The following CFAP45 variants were observed in gnomAD, a reference collection of about 807,000 sequenced individuals.
The protein encoded by CFAP45 is cilia and flagella associated protein 45, also known as cilia- and flagella-associated protein 45.
CFAP45 carries 43 observed loss-of-function variants against 75.6 expected under a neutral mutation model. The observed-to-expected ratio is 0.57, with a 90% CI of 0.45 to 0.73. The LOEUF is 0.73. CFAP45 is among the 30% of genes least tolerant of loss of function. The pLI is 0.00. For missense variants in CFAP45, 689 were observed against 701.5 expected (o/e 0.98, Z 0.20); for synonymous variants, 223 against 244.6 (o/e 0.91, Z 0.82).
chr1:159,892,983 G>A (rs1157782187), intron 2 of CFAP45, among the ~76,000 whole-genome samples, 197 bp downstream of exon 2: 1 of 152,208 alleles, frequency 6.6e-6, no homozygotes, highest in East Asian at 1.9e-4. Flanking sequence ...TAGGGTGGAA[G>A]AAGCTAGGTG....
chr1:159,873,010 T>C lies in CFAP45; in HGVS notation c.1511A>G (p.Lys504Arg). The C allele has an allele frequency of 6.2e-7, 1 of 1,614,230 alleles. No individual in the cohort carries two copies. The highest frequency in any genetic ancestry group is 1.7e-5 in the Admixed American group (1 of 60,032). ...CTCACGGCGTTTCTGGGCCTCCTCT[T>C]TGAGGCGCCGGCCCTCCTCAAAGGT... The part of the protein sequence containing the change: ...IATFEEGRRL[K>R]EEAQKRRERI... The change falls in exon 11 of 12, where the codon AAA (lysine) becomes AGA (arginine). Residue 504 changes from lysine to arginine, a missense_variant. By Grantham distance (26) the Lys-to-Arg change is conservative (BLOSUM62 2). Transcript: ENST00000368099.
intron 1 of CFAP45, 75 bp downstream of exon 1, chr1:159,900,020 CT>C: frequency 1.3e-6 from 2 of 1,576,062 alleles, no homozygotes; most frequent in Non-Finnish European, 8.7e-7. Context: ...GTGACCTCCC[CT>C]AGGCCCCCAC....
Position 159,872,566 on chromosome 1 carries a change from G to C in CFAP45, c.1578-3C>G. On this transcript the variant is annotated splice_polypyrimidine_tract_variant and splice_region_variant and intron_variant, in intron 11 of 11. Transcript: ENST00000368099. ...ACTTCTCGGGAAGGCCAGTGGCTCT[G>C]CCGGGGAAACGCAGGCAGGTATAAG... The C allele has an allele frequency of 1.2e-6, 2 of 1,613,700 alleles. No individual in the cohort carries two copies. The highest frequency in any genetic ancestry group is 1.7e-6 in the Non-Finnish European group (2 of 1,179,592).
At chr1:159,873,286 C>A in intron 10 of CFAP45, 118 bp from the exon 11 acceptor site, 1 of 753,160 alleles carries the variant, frequency 1.3e-6, no homozygotes, top group Non-Finnish European at 2.2e-6. Flanking sequence ...GACCACAGCC[C>A]TCTGGGCTCC....
rs868231888 is a variant in CFAP45 at position 159,893,271 on chromosome 1, G to A, written c.38C>T (p.Ser13Phe). Reference sequence around the variant, plus strand: ...ATTCCTTGACCTGTTGGAAGCGGCAGAAGAGGAGCTCAGGATGCCAGCTGT... The same window carrying A: ...ATTCCTTGACCTGTTGGAAGCGGCAAAAGAGGAGCTCAGGATGCCAGCTGT... Reference protein sequence around the residue: ...LSTAGILSSSSAASNRSRNKA... With the variant: ...LSTAGILSSSFAASNRSRNKA... The change falls in exon 2 of 12, where the codon TCT becomes TTT. Residue 13 changes from serine to phenylalanine, a missense_variant. Ser to Phe is a radical substitution (Grantham distance 155). Transcript: ENST00000368099. 3.1e-6 allele frequency: 5 copies of A among 1,613,654 alleles called. No homozygotes were observed. The South Asian group carries it at 5.5e-5, about 18-fold the overall frequency.
chr1:159,884,279 TAAATATTTA>T (rs1649622306), intron 7 of CFAP45, among the ~76,000 whole-genome samples, 148 bp downstream of exon 7: 1 of 152,076 alleles, frequency 6.6e-6, no homozygotes, highest in African/African-American at 2.4e-5. Context: ...CATGGTGAAA[TAAATATTTA>T]ACATGGCAAT....
intron 6 of CFAP45, 132 bp from the exon 7 acceptor site, chr1:159,884,697 A>T: frequency 5.5e-6 from 5 of 914,426 alleles, no homozygotes; most frequent in Non-Finnish European, 8.2e-6. Context: ...CTAAACATGA[A>T]TATGCTTCAT....
intron 10 of CFAP45, among the ~76,000 whole-genome samples, chr1:159,873,888 GCCTC>G (rs1429144612): frequency 3.6e-5 from 2 of 54,928 alleles, no homozygotes; most frequent in South Asian, 8.4e-4. Flanking sequence ...TTCCTTTCCT[GCCTC>G]CCTCCCTCCC....
Position 159,872,510 on chromosome 1 carries a change from A to T in CFAP45, c.1631T>A (p.Ile544Asn), listed in dbSNP as rs776151953. 3.8e-5 allele frequency: 62 copies of T among 1,614,048 alleles called. No homozygotes were observed. Among genetic ancestry groups the T allele is most frequent in the Non-Finnish European group, 5.3e-5 (62 of 1,180,012 alleles). Residue 544 changes from isoleucine to asparagine, a missense_variant, in exon 12 of 12, where the codon ATC becomes AAC. Ile to Asn is a moderately radical substitution (Grantham distance 149, BLOSUM62 -3). Transcript: ENST00000368099. ...TCAGTTCACAGAGGTAGCTGGCAGG[A>T]TGTTAGCTTTGCGCTCAGCTTCAAT... ...YCIEAERKAN[I>N]LPATSVN
chr1:159,887,277 T>C lies in CFAP45; in HGVS notation c.588+564A>G, dbSNP rs558626971. Among the ~76,000 whole-genome samples the C allele has an allele frequency of 2.0e-5, 3 of 152,316 alleles. No individual in the cohort carries two copies. The East Asian group carries it at 5.8e-4, about 29-fold the overall frequency. ...GAGGCATACATAGAGAAGATTTACC[T>C]GAGAGACAGAAATCAGAGGTGCAGG... On this transcript the variant is annotated intron_variant, in intron 5 of 11. Coordinates refer to ENST00000368099, the MANE Select transcript of CFAP45 (RefSeq NM_012337.3).
At chr1:159,874,142 G>GA (rs1649348375) in intron 10 of CFAP45, among the ~76,000 whole-genome samples, 3 of 152,056 alleles carry the variant, frequency 2.0e-5, no homozygotes, top group East Asian at 3.9e-4. Flanking sequence ...TCGCATCTCA[G>GA]AAAAAAATGC....
At chr1:159,895,842 AT>A (rs1301406266) in intron 1 of CFAP45, among the ~76,000 whole-genome samples, 6 of 152,226 alleles carry the variant, frequency 3.9e-5, no homozygotes, top group African/African-American at 1.4e-4. Flanking sequence ...ATGGCTTTGG[AT>A]CATGAGTTTT....
chr1:159,889,692 C>T (rs917826127), intron 3 of CFAP45, among the ~76,000 whole-genome samples: 2 of 152,200 alleles, frequency 1.3e-5, no homozygotes, highest in African/African-American at 4.8e-5. Context: ...CCACATCTGG[C>T]CACTTGATGC....
intron 1 of CFAP45, among the ~76,000 whole-genome samples, chr1:159,894,117 A>G (rs963199422): frequency 1.3e-5 from 2 of 152,198 alleles, no homozygotes; most frequent in Non-Finnish European, 2.9e-5. Flanking sequence ...TTATGTGTCA[A>G]TTAAAAACAA....
Position 159,877,472 on chromosome 1 carries a change from G to A in CFAP45, c.1045-10C>T. The A allele has an allele frequency of 1.3e-6, 2 of 1,595,632 alleles. No homozygotes were observed. Among genetic ancestry groups the A allele is most frequent in the Non-Finnish European group, 1.7e-6 (2 of 1,163,064 alleles). On this transcript the variant is annotated splice_polypyrimidine_tract_variant and intron_variant, in intron 8 of 11. Coordinates refer to ENST00000368099, the MANE Select transcript of CFAP45 (RefSeq NM_012337.3). ...ACTCTGCTTCTCGAGCCTGCCGGAA[G>A]GAAAGGCCTTGTAGAATAGTTGCCA...
intron 10 of CFAP45, 165 bp from the exon 11 acceptor site, chr1:159,873,333 G>T (rs1256601905): frequency 4.3e-5 from 27 of 624,750 alleles, no homozygotes; most frequent in Non-Finnish European, 7.6e-5. Flanking sequence ...GCCCCCAAAA[G>T]CTGCTGCACA....
chr1:159,890,731 G>GTCGGTACACATCCAGCC, intron 2 of CFAP45, 109 bp from the exon 3 acceptor site: 1 of 844,378 alleles, frequency 1.2e-6, no homozygotes, highest in Non-Finnish European at 1.8e-6. Context: ...AGCATGGCTG[G>GTCGGTACACATCCAGCC]ATGTGTACCG....
At chr1:159,877,875 AAAATAAAT>A (rs56408622) in intron 8 of CFAP45, among the ~76,000 whole-genome samples, 39 of 149,080 alleles carry the variant, frequency 2.6e-4, no homozygotes, top group Non-Finnish European at 2.5e-4. Context: ...ACCTTGTCTC[AAAATAAAT>A]AAATAAATAA....
chr1:159,884,474 G>T lies in CFAP45; in HGVS notation c.859C>A (p.Leu287Met), dbSNP rs990295458. Residue 287 changes from leucine to methionine, a missense_variant, in exon 7 of 12, where the codon CTG (leucine) becomes ATG (methionine). Physicochemically the swap from Leu to Met is conservative, Grantham distance 15 (BLOSUM62 2). Coordinates refer to ENST00000368099, the MANE Select transcript of CFAP45 (RefSeq NM_012337.3). ...EQREQEKEQM[L>M]EYMEQLQEED... Reference sequence around the variant, plus strand: ...TCTTGGAGCTGTTCCATATATTCCAGCATCTGCTCCTTCTCCTGCTCCCGC... The same window carrying T: ...TCTTGGAGCTGTTCCATATATTCCATCATCTGCTCCTTCTCCTGCTCCCGC... 2 of 1,613,816 alleles carry T rather than the reference G, an allele frequency of 1.2e-6. No homozygotes were observed. The highest frequency in any genetic ancestry group is 1.7e-6 in the Non-Finnish European group (2 of 1,179,878).
Sources: gnomAD v4.1 joint callset for allele counts (sites outside exome capture counted in the v4.1 genomes callset) on GRCh38, gnomAD v4.1.1 for gene constraint, MANE v1.5 for transcripts, NCBI Gene and HGNC (gene_info 2026-07-23, HGNC 2026-07-21) for gene names.